The following ARSB variants were observed in gnomAD, a reference collection of about 807,000 sequenced individuals.
ARSB encodes N-acetylgalactosamine-4-sulfatase.
ARSB carries 41 observed loss-of-function variants against 50.9 expected under a neutral mutation model. That is an observed-to-expected ratio of 0.81 (90% CI 0.63 to 1.04). ARSB has a LOEUF of 1.04. Ranked by LOEUF, ARSB falls within the 50% of genes least tolerant of loss-of-function variation. The pLI is 0.00. For synonymous variants in ARSB, 269 were observed against 284.8 expected, an observed-to-expected ratio of 0.94 and a Z score of 0.56; for missense variants, 672 against 693.3, an observed-to-expected ratio of 0.97 and a Z score of 0.35.
At chr5:78,954,785 G>A (rs929517579) in intron 4 of ARSB, among the ~76,000 whole-genome samples, 2 of 152,174 alleles carry the variant, frequency 1.3e-5, no homozygotes, top group African/African-American at 2.4e-5. Flanking sequence ...GATTACAGGC[G>A]TGAGCCACCG....
At chr5:78,953,359 G>A (rs1751567241) in intron 4 of ARSB, among the ~76,000 whole-genome samples, 1 of 152,230 alleles carries the variant, frequency 6.6e-6, no homozygotes, top group Non-Finnish European at 1.5e-5. Flanking sequence ...ATGACCTGGG[G>A]CAAGTTACTT....
intron 6 of ARSB, among the ~76,000 whole-genome samples, chr5:78,796,271 A>C (rs1406216518): frequency 6.6e-6 from 1 of 152,272 alleles, no homozygotes; most frequent in Admixed American, 6.5e-5. Flanking sequence ...TTAGACACTA[A>C]ATCTTCAGAA....
intron 4 of ARSB, among the ~76,000 whole-genome samples, chr5:78,886,128 A>G (rs1370118893): frequency 6.6e-6 from 1 of 152,182 alleles, no homozygotes; most frequent in Non-Finnish European, 1.5e-5. Context: ...ACAATCCACT[A>G]AACTTTAAAT....
chr5:78,839,464 C>G, intron 5 of ARSB, 38 bp from the exon 6 acceptor site: 1 of 1,520,584 alleles, frequency 6.6e-7, no homozygotes, highest in Non-Finnish European at 9.1e-7. Flanking sequence ...AATTTCCTCT[C>G]TCTAATGGGC....
intron 6 of ARSB, among the ~76,000 whole-genome samples, chr5:78,817,607 G>A (rs1218347931): frequency 2.0e-5 from 3 of 151,536 alleles, no homozygotes; most frequent in Admixed American, 6.6e-5. Context: ...TCAGGAGTCC[G>A]AGACCAGCCT....
intron 4 of ARSB, among the ~76,000 whole-genome samples, chr5:78,892,507 C>T (rs796551015): frequency 3.9e-5 from 6 of 152,200 alleles, no homozygotes; most frequent in African/African-American, 1.4e-4. Flanking sequence ...TCATCCACCT[C>T]GGCTTCCCAT....
chr5:78,779,009 C>T lies in ARSB; in HGVS notation c.*1388G>A, dbSNP rs886510789. 4 of 151,766 alleles carry T rather than the reference C, an allele frequency of 2.6e-5. No homozygotes were observed. The highest frequency in any genetic ancestry group is 2.9e-5 in the Non-Finnish European group (2 of 67,976). 9.4% of individuals were successfully genotyped at this position (151,766 alleles called of 1,614,324 possible). A position where few individuals can be genotyped will look rare whatever the true frequency, so the allele number is the denominator to read the frequency against. ...CTCCAACCTGGTGACAGAGTGAGATCGTCTCATAAAGATATAAAAAATTAA... is the reference window on the plus strand; with the variant it reads ...CTCCAACCTGGTGACAGAGTGAGATTGTCTCATAAAGATATAAAAAATTAA... On this transcript the variant is annotated 3_prime_UTR_variant, in exon 8 of 8. Coordinates refer to ENST00000264914, the MANE Select transcript of ARSB (RefSeq NM_000046.5).
At chr5:78,984,696 G>A (rs994260616) in intron 1 of ARSB, among the ~76,000 whole-genome samples, 1 of 152,054 alleles carries the variant, frequency 6.6e-6, no homozygotes, top group Non-Finnish European at 1.5e-5. Context: ...AAAGCCACCC[G>A]CCCAACCCGG....
intron 5 of ARSB, among the ~76,000 whole-genome samples, chr5:78,880,770 A>G (rs1441290000): frequency 6.6e-6 from 1 of 152,238 alleles, no homozygotes; most frequent in Non-Finnish European, 1.5e-5. Flanking sequence ...TAATATCACA[A>G]AATAGGTAAT....
chr5:78,789,798 C>T (rs1749188710), intron 6 of ARSB, among the ~76,000 whole-genome samples: 1 of 152,128 alleles, frequency 6.6e-6, no homozygotes, highest in African/African-American at 2.4e-5. Flanking sequence ...CTAATTTAAT[C>T]CTCGTGAAAG....
intron 5 of ARSB, among the ~76,000 whole-genome samples, chr5:78,849,228 G>T (rs981090104): frequency 4.1e-4 from 62 of 152,080 alleles, no homozygotes; most frequent in Non-Finnish European, 6.9e-4. Context: ...AATCCATCTT[G>T]AATTAATTTT....
intron 5 of ARSB, among the ~76,000 whole-genome samples, chr5:78,852,416 C>T (rs760223514): frequency 6.6e-6 from 1 of 152,168 alleles, no homozygotes; most frequent in African/African-American, 2.4e-5. Flanking sequence ...GAGTTTCTGC[C>T]AAGAGATCTG....
intron 4 of ARSB, among the ~76,000 whole-genome samples, chr5:78,916,317 C>T (rs961995217): frequency 2.0e-5 from 3 of 152,216 alleles, no homozygotes; most frequent in Non-Finnish European, 4.4e-5. Flanking sequence ...GAAATCTTCC[C>T]TGGCCTGTTC....
At chr5:78,978,471 C>T (rs1275497133) in intron 1 of ARSB, among the ~76,000 whole-genome samples, 1 of 151,916 alleles carries the variant, frequency 6.6e-6, no homozygotes, top group African/African-American at 2.4e-5. Flanking sequence ...ACCAAAATTC[C>T]ACTTCCCTTT....
At chr5:78,802,087 A>T (rs954966854) in intron 6 of ARSB, among the ~76,000 whole-genome samples, 2 of 151,486 alleles carry the variant, frequency 1.3e-5, no homozygotes, top group African/African-American at 4.9e-5. Context: ...CATCCAGTCT[A>T]GCCCTTCCCT....
intron 6 of ARSB, among the ~76,000 whole-genome samples, chr5:78,790,677 ATC>A (rs1287635081): frequency 6.6e-6 from 1 of 152,254 alleles, no homozygotes; most frequent in African/African-American, 2.4e-5. Context: ...AGATATTAAC[ATC>A]TGTCAATAAC....
chr5:78,949,909 C>CA (rs1254495675), intron 4 of ARSB, among the ~76,000 whole-genome samples: 18 of 151,310 alleles, frequency 1.2e-4, no homozygotes, highest in South Asian at 2.1e-4. Flanking sequence ...GACTCCATCT[C>CA]AAAAAAAACA....
intron 4 of ARSB, among the ~76,000 whole-genome samples, chr5:78,887,591 C>A (rs560592926): frequency 1.3e-5 from 2 of 152,212 alleles, no homozygotes; most frequent in African/African-American, 4.8e-5. Flanking sequence ...CCTGACACAA[C>A]CTAAGTGCTC....
intron 4 of ARSB, among the ~76,000 whole-genome samples, chr5:78,950,973 T>C (rs2043985): frequency 0.53 from 80,090 of 152,090 alleles, 21,156 homozygotes; most frequent in East Asian, 0.67. Context: ...ATGAAATAAA[T>C]GGAAAAGAAA....
Sources: gnomAD v4.1 joint callset for allele counts (sites outside exome capture counted in the v4.1 genomes callset) on GRCh38, gnomAD v4.1.1 for gene constraint, MANE v1.5 for transcripts, NCBI Gene and HGNC (gene_info 2026-07-23, HGNC 2026-07-21) for gene names.